Variants in ZFHX3 observed in about 807,000 individuals in gnomAD.
ZFHX3 encodes the protein zinc finger homeobox 3.
In ZFHX3, 42 loss-of-function variants were observed where a neutral mutation model predicts 279.1. The observed-to-expected ratio is 0.15, with a 90% CI of 0.12 to 0.19. ZFHX3 has a LOEUF of 0.19. Among genes scored for constraint, ZFHX3 ranks in the 10% least tolerant of loss-of-function variants. The pLI is 1.00. For missense variants in ZFHX3, 4,981 were observed against 4,754.0 expected (o/e 1.05, Z -1.40); for synonymous variants, 2,293 against 1,957.8 (o/e 1.17, Z -4.52).
intron 1 of ZFHX3, among the ~76,000 whole-genome samples, chr16:73,693,608 G>A (rs978181022): frequency 6.6e-6 from 1 of 152,110 alleles, no homozygotes; most frequent in African/African-American, 2.4e-5. Flanking sequence ...AAGGCCACGG[G>A]AACGAGAGAA....
At chr16:73,760,151 T>A (rs187745244) in intron 1 of ZFHX3, among the ~76,000 whole-genome samples, 5 of 152,154 alleles carry the variant, frequency 3.3e-5, no homozygotes, top group Admixed American at 3.3e-4. Context: ...CAGAGAATAC[T>A]ATAAACACCT....
chr16:72,787,191 A>G lies in ZFHX3; in HGVS notation c.11085T>C (p.Ser3695=). The G allele has an allele frequency of 2.5e-6, 4 of 1,610,354 alleles. No individual in the cohort carries two copies. The highest frequency in any genetic ancestry group is 3.3e-4 in the Middle Eastern group (2 of 6,052). Residue 3695 remains serine (S), a synonymous_variant, in exon 10 of 10, where the codon AGT becomes AGC. Coordinates refer to ENST00000268489, the MANE Select transcript of ZFHX3 (RefSeq NM_006885.4). ...PSCPKDSGLT[S]VGTDTFRL ...ACAATCTGAAGGTGTCCGTTCCTAC[A>G]CTGGTCAGACCACTGTCCTTGGGGC... is the stretch of plus-strand genomic sequence containing the variant.
chr16:73,029,574 G>C (rs1263192175), intron 1 of ZFHX3, among the ~76,000 whole-genome samples: 1 of 152,200 alleles, frequency 6.6e-6, no homozygotes, highest in East Asian at 1.9e-4. Context: ...TCGCTCTGGA[G>C]TATTAGAGAG....
intron 1 of ZFHX3, among the ~76,000 whole-genome samples, chr16:73,885,860 C>T (rs2030329063): frequency 1.3e-5 from 2 of 152,162 alleles, no homozygotes; most frequent in East Asian, 1.9e-4. Flanking sequence ...GACCCTGATG[C>T]ACCCACGCCC....
At chr16:73,391,193 T>G (rs2017006244) in intron 3 of ZFHX3, among the ~76,000 whole-genome samples, 1 of 152,132 alleles carries the variant, frequency 6.6e-6, no homozygotes, top group Admixed American at 6.5e-5. Context: ...CCCTAGGTTT[T>G]GGCCAGACGC....
At chr16:72,907,990 C>T (rs1321609484) in intron 3 of ZFHX3, among the ~76,000 whole-genome samples, 1 of 151,994 alleles carries the variant, frequency 6.6e-6, no homozygotes, top group Non-Finnish European at 1.5e-5. Context: ...GCCCCTGCTC[C>T]TCCAAATTCT....
chr16:73,266,367 A>G (rs377096352), intron 4 of ZFHX3, among the ~76,000 whole-genome samples: 10 of 152,262 alleles, frequency 6.6e-5, no homozygotes, highest in African/African-American at 2.4e-4. Flanking sequence ...TATTATTTCT[A>G]TTTAGTATTA....
chr16:73,631,497 T>C (rs1296992712), intron 2 of ZFHX3, among the ~76,000 whole-genome samples: 1 of 152,182 alleles, frequency 6.6e-6, no homozygotes, highest in East Asian at 1.9e-4. Context: ...AAATTACAAA[T>C]CTATGCACAC....
chr16:73,528,343 C>T (rs180882785), intron 2 of ZFHX3, among the ~76,000 whole-genome samples: 1 of 152,202 alleles, frequency 6.6e-6, no homozygotes, highest in Non-Finnish European at 1.5e-5. Flanking sequence ...TACTAGCCAA[C>T]AAATTTGCAA....
intron 1 of ZFHX3, among the ~76,000 whole-genome samples, chr16:73,729,295 A>T (rs2053548312): frequency 1.3e-5 from 2 of 152,154 alleles, no homozygotes; most frequent in African/African-American, 4.8e-5. Context: ...TGGAGGCCAA[A>T]GTGGGTGGAT....
chr16:73,171,236 C>T (rs77986888), intron 5 of ZFHX3, among the ~76,000 whole-genome samples: 1,562 of 152,060 alleles, frequency 0.01, 19 homozygotes, highest in African/African-American at 0.036. Flanking sequence ...CAAACTGGGA[C>T]GCTTTTGAGA....
At chr16:73,508,445 A>G (rs1204122211) in intron 2 of ZFHX3, among the ~76,000 whole-genome samples, 1 of 152,238 alleles carries the variant, frequency 6.6e-6, no homozygotes, top group Non-Finnish European at 1.5e-5. Context: ...GTATACCACC[A>G]TGGAATACTC....
At chr16:72,880,551 G>C (rs1412429661) in intron 4 of ZFHX3, among the ~76,000 whole-genome samples, 3 of 152,180 alleles carry the variant, frequency 2.0e-5, no homozygotes, top group Admixed American at 6.5e-5. Context: ...AGAACTGTGA[G>C]AAAATACACT....
chr16:72,922,581 G>T (rs764190951), intron 3 of ZFHX3, among the ~76,000 whole-genome samples: 1 of 152,144 alleles, frequency 6.6e-6, no homozygotes, highest in African/African-American at 2.4e-5. Flanking sequence ...AGGGACCATG[G>T]TGACAGCCAG....
At chr16:73,729,942 A>G (rs1308782377) in intron 1 of ZFHX3, among the ~76,000 whole-genome samples, 1 of 152,180 alleles carries the variant, frequency 6.6e-6, no homozygotes, top group Non-Finnish European at 1.5e-5. Context: ...AGACTAAATA[A>G]TATTCAGAAT....
chr16:72,787,072 G>T lies in ZFHX3; in HGVS notation c.*92C>A. On this transcript the variant is annotated 3_prime_UTR_variant, in exon 10 of 10. Coordinates refer to ENST00000268489, the MANE Select transcript of ZFHX3 (RefSeq NM_006885.4). ...TTTTTTTTTTGTTTTTTGGTTAGAA[G>T]CTTTGGAATTGCAGTTAGTCTATTT... The T allele has an allele frequency of 1.9e-4, 181 of 954,796 alleles. No homozygotes were observed. The highest frequency in any genetic ancestry group is 4.0e-4 in the Middle Eastern group (1 of 2,522). The allele number at this position is 954,796 out of a possible 1,614,324, so 59.1% of individuals were successfully genotyped here.
rs372659068 is a variant in ZFHX3 at position 73,289,368 on chromosome 16, T to C, written c.-1194+28872A>G. Among the ~76,000 whole-genome samples, 24 of 152,124 alleles carry C rather than the reference T, an allele frequency of 1.6e-4. 2 individuals are homozygous for C. The highest frequency in any genetic ancestry group is 1.2e-3 in the South Asian group (6 of 4,814). ...AGGTAGGTGGTTCCCTCATTAGCAA[T>C]TACTCTACCCTTTTGGTGGGGATGT... is the stretch of plus-strand genomic sequence containing the variant. On this transcript the variant is annotated intron_variant, in intron 4 of 17. Transcript: ENST00000641206.
At position 72,934,639 on chromosome 16, in the gene ZFHX3, C is replaced by T. The variant is rs575768909; in HGVS notation, c.3216+15830G>A. Among the ~76,000 whole-genome samples, 7 of 152,222 alleles carry T rather than the reference C, an allele frequency of 4.6e-5. No homozygotes were observed. In the South Asian group the frequency reaches 1.5e-3, roughly 32 times the overall value. On this transcript the variant is annotated intron_variant, in intron 3 of 9. Transcript: ENST00000268489. ...TCCCAGAGGTCTTTTTGGATCTAAC[C>T]AGTTGGGTGTGGCTGCTCCCTCCCT...
At chr16:73,377,118 C>T (rs1004150144) in intron 3 of ZFHX3, among the ~76,000 whole-genome samples, 13 of 151,992 alleles carry the variant, frequency 8.6e-5, no homozygotes, top group South Asian at 2.1e-4. Flanking sequence ...ATTATAGGCA[C>T]GTGCCACCAT....
Sources: allele counts gnomAD v4.1 joint callset (sites outside exome capture counted in the v4.1 genomes callset), GRCh38; gene constraint gnomAD v4.1.1; transcripts MANE v1.5; gene names NCBI Gene and HGNC (gene_info 2026-07-23, HGNC 2026-07-21).